The following SHOC1 variants were observed in gnomAD, a reference collection of about 807,000 sequenced individuals.
The protein encoded by SHOC1 is shortage in chiasmata 1, also known as protein shortage in chiasmata 1 ortholog.
A neutral mutation model predicts 179.2 loss-of-function variants in SHOC1; 136 were observed. That is an observed-to-expected ratio of 0.76 (90% CI 0.66 to 0.87). The LOEUF is 0.87. Among genes scored for constraint, SHOC1 ranks in the 40% least tolerant of loss-of-function variants. SHOC1 has a pLI of 0.00. For synonymous variants in SHOC1, 489 were observed against 586.6 expected, an observed-to-expected ratio of 0.83 and a Z score of 2.41; for missense variants, 1,538 against 1,700.8, an observed-to-expected ratio of 0.90 and a Z score of 1.68.
At chr9:111,731,269 G>A (rs1456949542) in intron 12 of SHOC1, among the ~76,000 whole-genome samples, 2 of 152,058 alleles carry the variant, frequency 1.3e-5, no homozygotes, top group Non-Finnish European at 2.9e-5. Flanking sequence ...TTTTTCCTTT[G>A]CATTCACAAC....
At chr9:111,783,722 G>A (rs763687392) in intron 3 of SHOC1, among the ~76,000 whole-genome samples, 2 of 152,232 alleles carry the variant, frequency 1.3e-5, no homozygotes, top group Non-Finnish European at 2.9e-5. Context: ...ACTGTATACC[G>A]ATTACCAACT....
intron 8 of SHOC1, among the ~76,000 whole-genome samples, chr9:111,748,822 CCCTT>C (rs1296130368): frequency 8.6e-6 from 1 of 115,678 alleles, no homozygotes; most frequent in Admixed American, 9.3e-5. Flanking sequence ...CTTCCTCCCT[CCCTT>C]CCTCTCTCCC....
chr9:111,775,170 T>G (rs1454568916), intron 5 of SHOC1, among the ~76,000 whole-genome samples: 1 of 151,982 alleles, frequency 6.6e-6, no homozygotes, highest in African/African-American at 2.4e-5. Context: ...AATTTTTGTA[T>G]TTTGAGTAGA....
intron 16 of SHOC1, among the ~76,000 whole-genome samples, chr9:111,715,173 G>C (rs1832728180): frequency 6.6e-6 from 1 of 152,122 alleles, no homozygotes; most frequent in Non-Finnish European, 1.5e-5. Flanking sequence ...TTCATATTCA[G>C]TACATCTAGA....
chr9:111,687,755 C>CTTTTTTTT (rs11338309), intron 27 of SHOC1, among the ~76,000 whole-genome samples: 1 of 136,912 alleles, frequency 7.3e-6, no homozygotes, highest in Non-Finnish European at 1.5e-5. Context: ...TCTTCTTCTT[C>CTTTTTTTT]TTTTTTTTTT....
intron 8 of SHOC1, among the ~76,000 whole-genome samples, chr9:111,754,288 C>T (rs767577356): frequency 1.3e-5 from 2 of 152,046 alleles, no homozygotes; most frequent in African/African-American, 2.4e-5. Context: ...AATAACCCAA[C>T]TAAAATGGGC....
intron 24 of SHOC1, among the ~76,000 whole-genome samples, chr9:111,694,650 C>A (rs917995993): frequency 2.6e-5 from 4 of 151,804 alleles, no homozygotes; most frequent in Admixed American, 6.6e-5. Flanking sequence ...TGTTATATTT[C>A]AACTATATTA....
intron 27 of SHOC1, 69 bp from the exon 28 acceptor site, chr9:111,686,939 CTTT>C (rs10537471): frequency 2.9e-3 from 1,528 of 518,650 alleles, no homozygotes; most frequent in South Asian, 4.8e-3. Context: ...TTTTCTTTTC[CTTT>C]TTTTTTTTTT....
At chr9:111,733,595 C>T (rs983565660) in intron 12 of SHOC1, among the ~76,000 whole-genome samples, 12 of 152,300 alleles carry the variant, frequency 7.9e-5, no homozygotes, top group Admixed American at 3.9e-4. Context: ...TGGCTGGGCA[C>T]GGTGGCTCAT....
intron 24 of SHOC1, among the ~76,000 whole-genome samples, chr9:111,696,862 T>C (rs971153354): frequency 5.9e-5 from 9 of 152,234 alleles, no homozygotes; most frequent in African/African-American, 1.2e-4. Context: ...AGGTAACTTT[T>C]CTAAGAATTT....
intron 26 of SHOC1, among the ~76,000 whole-genome samples, chr9:111,693,085 C>T (rs984535320): frequency 6.6e-6 from 1 of 152,068 alleles, no homozygotes; most frequent in Non-Finnish European, 1.5e-5. Flanking sequence ...GCAGTTAGAT[C>T]ACTTGAGGTC....
At chr9:111,713,282 T>G in intron 17 of SHOC1, 110 bp from the exon 18 acceptor site, 1 of 569,154 alleles carries the variant, frequency 1.8e-6, no homozygotes, top group Non-Finnish European at 3.1e-6. Flanking sequence ...CTAATGACAA[T>G]AAGATTACAA....
intron 5 of SHOC1, among the ~76,000 whole-genome samples, chr9:111,771,507 A>C (rs1835606337): frequency 6.6e-6 from 1 of 152,164 alleles, no homozygotes; most frequent in African/African-American, 2.4e-5. Flanking sequence ...ACCAGTGGGT[A>C]AATAAAGGAA....
intron 14 of SHOC1, 81 bp downstream of exon 14, chr9:111,723,711 A>T (rs141599077): frequency 0.011 from 14,093 of 1,298,036 alleles, 116 homozygotes; most frequent in Middle Eastern, 0.02. Flanking sequence ...TGACATGGAA[A>T]ATGAGGTATG....
At position 111,759,227 on chromosome 9, in the gene SHOC1, G is replaced by A. The variant is rs764650539; in HGVS notation, c.443-379C>T. ...GAAGTATTTGACTTCTGCTGACCTT[G>A]GTCTTCTCTGCATCATTTTACCTCT... On this transcript the variant is annotated intron_variant, in intron 5 of 27. Coordinates refer to ENST00000682961, the MANE Select transcript of SHOC1 (RefSeq NM_001378211.1). 4 of 1,613,574 alleles carry A rather than the reference G, an allele frequency of 2.5e-6. No homozygotes were observed. The East Asian group carries it at 8.9e-5, about 36-fold the overall frequency.
At chr9:111,779,578 A>G (rs1835960092) in intron 4 of SHOC1, among the ~76,000 whole-genome samples, 1 of 152,180 alleles carries the variant, frequency 6.6e-6, no homozygotes, top group Non-Finnish European at 1.5e-5. Flanking sequence ...CCCAAGCTCA[A>G]TTCCTACTTC....
intron 27 of SHOC1, among the ~76,000 whole-genome samples, chr9:111,690,191 A>G (rs904141073): frequency 2.6e-5 from 4 of 152,222 alleles, no homozygotes; most frequent in Non-Finnish European, 5.9e-5. Flanking sequence ...TGGGAGGCCA[A>G]GGCGGGTAGA....
intron 12 of SHOC1, among the ~76,000 whole-genome samples, chr9:111,736,351 T>C (rs999924298): frequency 6.6e-6 from 1 of 152,116 alleles, no homozygotes; most frequent in East Asian, 1.9e-4. Flanking sequence ...GCCAAGGTAC[T>C]GGTACAAAAA....
At chr9:111,708,454 A>G (rs1229930370) in intron 18 of SHOC1, among the ~76,000 whole-genome samples, 1 of 152,056 alleles carries the variant, frequency 6.6e-6, no homozygotes, top group Non-Finnish European at 1.5e-5. Flanking sequence ...CCCCCACCTC[A>G]GCCTCCCAAA....
Sources: allele counts gnomAD v4.1 joint callset (sites outside exome capture counted in the v4.1 genomes callset), GRCh38; gene constraint gnomAD v4.1.1; transcripts MANE v1.5; gene names NCBI Gene and HGNC (gene_info 2026-07-23, HGNC 2026-07-21).